Variants in BLVRA observed in about 807,000 individuals in gnomAD.
BLVRA encodes BVR A.
A neutral mutation model predicts 32.8 loss-of-function variants in BLVRA; 22 were observed. The observed-to-expected ratio is 0.67, with a 90% CI of 0.48 to 0.96. BLVRA has a LOEUF of 0.96. Among genes scored for constraint, BLVRA ranks in the 40% least tolerant of loss-of-function variants. The pLI, the probability that BLVRA is intolerant of heterozygous loss-of-function variation, is 0.00. For missense variants in BLVRA, 323 were observed against 358.1 expected (o/e 0.90, Z 0.79); for synonymous variants, 119 against 141.3 (o/e 0.84, Z 1.12).
At position 43,803,666 on chromosome 7, in the gene BLVRA, T is replaced by C. The variant is rs780247025; in HGVS notation, c.461-10T>C. ...TTCCCAGTTCCCACAGCATTTGTGA[T>C]TTCCCACAGCTGGCCCGTTGGAAGA... is the stretch of plus-strand genomic sequence containing the variant. On this transcript the variant is annotated splice_polypyrimidine_tract_variant and intron_variant, in intron 6 of 7. Coordinates refer to ENST00000265523, the MANE Select transcript of BLVRA (RefSeq NM_000712.4). 1 of 1,605,850 alleles carries C rather than the reference T, an allele frequency of 6.2e-7. No individual in the cohort carries two copies. The highest frequency in any genetic ancestry group is 8.5e-7 in the Non-Finnish European group (1 of 1,174,906).
intron 7 of BLVRA, among the ~76,000 whole-genome samples, chr7:43,804,816 T>TAAACC (rs1347942064): frequency 3.9e-5 from 6 of 152,194 alleles, no homozygotes; most frequent in Admixed American, 3.9e-4. Context: ...TTAGAGTGTT[T>TAAACC]CTGGATGCCT....
chr7:43,797,462 C>T (rs2095794067), intron 5 of BLVRA, among the ~76,000 whole-genome samples: 1 of 152,196 alleles, frequency 6.6e-6, no homozygotes, highest in African/African-American at 2.4e-5. Context: ...TAACAAACTA[C>T]AATATAGTAT....
intron 1 of BLVRA, among the ~76,000 whole-genome samples, chr7:43,770,619 C>A (rs1333212422): frequency 6.6e-6 from 1 of 152,162 alleles, no homozygotes; most frequent in African/African-American, 2.4e-5. Flanking sequence ...TTCCTTGCTA[C>A]CCCTGCTCAC....
At chr7:43,784,993 T>G (rs2095775321) in intron 2 of BLVRA, among the ~76,000 whole-genome samples, 1 of 152,184 alleles carries the variant, frequency 6.6e-6, no homozygotes, top group Non-Finnish European at 1.5e-5. Context: ...TAATTTAGCC[T>G]GACACACTGT....
chr7:43,768,002 C>T (rs367851184), intron 1 of BLVRA, among the ~76,000 whole-genome samples: 12 of 152,166 alleles, frequency 7.9e-5, no homozygotes, highest in African/African-American at 2.7e-4. Context: ...TATTGCTGCA[C>T]TACCCTCCAC....
chr7:43,800,347 G>A (rs2095797266), intron 5 of BLVRA, 118 bp from the exon 6 acceptor site: 8 of 956,192 alleles, frequency 8.4e-6, no homozygotes, highest in Non-Finnish European at 1.3e-5. Flanking sequence ...CTGGCCATGT[G>A]CCCAGGGCAG....
intron 1 of BLVRA, among the ~76,000 whole-genome samples, chr7:43,766,726 G>A (rs2095748383): frequency 6.6e-6 from 1 of 152,200 alleles, no homozygotes; most frequent in African/African-American, 2.4e-5. Context: ...AGGGGAAACA[G>A]CACAGAAAGG....
chr7:43,771,300 T>C, intron 2 of BLVRA, 130 bp downstream of exon 2: 2 of 1,083,628 alleles, frequency 1.8e-6, no homozygotes, highest in Admixed American at 3.8e-5. Context: ...TCTAGCCTAC[T>C]GAAGTGCACG....
intron 4 of BLVRA, among the ~76,000 whole-genome samples, chr7:43,792,344 T>C (rs531411349): frequency 6.6e-6 from 1 of 152,368 alleles, no homozygotes; most frequent in African/African-American, 2.4e-5. Context: ...TCAGACTGCC[T>C]CAGGCAAAGC....
intron 5 of BLVRA, among the ~76,000 whole-genome samples, chr7:43,794,136 G>A (rs2095789198): frequency 6.6e-6 from 1 of 151,568 alleles, no homozygotes; most frequent in East Asian, 2.0e-4. Context: ...CCAGCTACTT[G>A]GAAGTTCACC....
At chr7:43,767,831 A>G (rs1488561427) in intron 1 of BLVRA, among the ~76,000 whole-genome samples, 1 of 143,956 alleles carries the variant, frequency 6.9e-6, no homozygotes, top group African/African-American at 2.6e-5. Flanking sequence ...AGTTACAAAT[A>G]GATATGTTAA....
chr7:43,803,211 A>C (rs1030615467), intron 6 of BLVRA, among the ~76,000 whole-genome samples: 5 of 152,208 alleles, frequency 3.3e-5, no homozygotes, highest in African/African-American at 1.2e-4. Flanking sequence ...TTATAAGAAT[A>C]CAGGCTTGCA....
At chr7:43,792,361 C>T (rs1034686745) in intron 4 of BLVRA, among the ~76,000 whole-genome samples, 53 of 152,224 alleles carry the variant, frequency 3.5e-4, no homozygotes, top group Non-Finnish European at 4.4e-5. Context: ...AAGCTAGCCG[C>T]TGTGGGTTTT....
At chr7:43,799,230 C>A (rs1388558855) in intron 5 of BLVRA, among the ~76,000 whole-genome samples, 1 of 152,138 alleles carries the variant, frequency 6.6e-6, no homozygotes, top group Admixed American at 6.5e-5. Context: ...AGGTCAAGCC[C>A]AGAGCATTTG....
Position 43,786,520 on chromosome 7 carries a change from A to G in BLVRA, c.13-1384A>G, listed in dbSNP as rs553013060. 7.9e-5 allele frequency among the ~76,000 whole-genome samples: 12 copies of G among 152,342 alleles called. No homozygotes were observed. In the South Asian group the frequency reaches 2.5e-3, roughly 32 times the overall value. On this transcript the variant is annotated intron_variant, in intron 2 of 7. Transcript: ENST00000265523. ...AGGATACGAAGACCTGAACAACACA[A>G]TCAACCAACTTGATCTAACAGACTT...
chr7:43,768,246 G>A (rs1162311171), intron 1 of BLVRA, among the ~76,000 whole-genome samples: 1 of 152,162 alleles, frequency 6.6e-6, no homozygotes, highest in African/African-American at 2.4e-5. Context: ...GCAGACCTTG[G>A]AGATGAAGTC....
intron 1 of BLVRA, chr7:43,764,226 T>C (rs186531043): frequency 6.6e-6 from 1 of 152,004 alleles, no homozygotes; most frequent in Admixed American, 6.6e-5. Context: ...AGCACTCGGC[T>C]GGGCAGAAAT....
intron 2 of BLVRA, among the ~76,000 whole-genome samples, chr7:43,785,945 A>G (rs555306160): frequency 5.9e-5 from 9 of 152,340 alleles, no homozygotes; most frequent in East Asian, 5.8e-4. Context: ...TAAATATTCT[A>G]ATTAATCCAA....
At chr7:43,776,421 G>A (rs962773233) in intron 2 of BLVRA, among the ~76,000 whole-genome samples, 5 of 152,190 alleles carry the variant, frequency 3.3e-5, no homozygotes, top group Non-Finnish European at 7.3e-5. Flanking sequence ...TTCAGGAGCT[G>A]GTTGTTCAGT....
Sources: gnomAD v4.1 joint callset for allele counts (sites outside exome capture counted in the v4.1 genomes callset) on GRCh38, gnomAD v4.1.1 for gene constraint, MANE v1.5 for transcripts, NCBI Gene and HGNC (gene_info 2026-07-23, HGNC 2026-07-21) for gene names.